CCDC85C: variants seen among roughly 807,000 people sequenced by gnomAD.
CCDC85C encodes coiled-coil domain containing 85C, also known as coiled-coil domain-containing protein 85C.
In CCDC85C, 18 loss-of-function variants were observed where a neutral mutation model predicts 38.3. The ratio of observed to expected loss-of-function variants is 0.47; its 90% confidence interval spans 0.33 to 0.70. The LOEUF (loss-of-function observed/expected upper bound fraction) is 0.70, where lower values mean the gene tolerates loss of function less well. CCDC85C is among the 30% of genes least tolerant of loss of function. The probability of loss-of-function intolerance (pLI) is 0.03; values close to 1 mark genes in which losing one functional copy is unlikely to be tolerated. For synonymous variants in CCDC85C, 264 were observed against 293.8 expected (o/e 0.90, Z 1.04); for missense variants, 566 against 621.2 (o/e 0.91, Z 0.94).
intron 1 of CCDC85C, among the ~76,000 whole-genome samples, chr14:99,594,444 A>G (rs1454432972): frequency 1.3e-5 from 2 of 152,214 alleles, no homozygotes; most frequent in African/African-American, 4.8e-5. Flanking sequence ...CACCATCTCT[A>G]GGCCCCACAG....
chr14:99,562,981 T>C (rs1898147347), intron 1 of CCDC85C, among the ~76,000 whole-genome samples: 1 of 152,224 alleles, frequency 6.6e-6, no homozygotes, highest in Non-Finnish European at 1.5e-5. Context: ...CCAGGGGTCA[T>C]TTATTTTAAT....
intron 1 of CCDC85C, among the ~76,000 whole-genome samples, chr14:99,570,273 C>A (rs1898309798): frequency 6.6e-6 from 1 of 152,254 alleles, no homozygotes; most frequent in Non-Finnish European, 1.5e-5. Flanking sequence ...CAGGGCCACA[C>A]AGCAACCAAT....
At chr14:99,517,843 T>C (rs1034743701) in intron 3 of CCDC85C, among the ~76,000 whole-genome samples, 16 of 152,160 alleles carry the variant, frequency 1.1e-4, no homozygotes, top group Non-Finnish European at 2.2e-4. Context: ...GGAAGCCAGG[T>C]GCAGGGCTTC....
rs2055053790 is a variant in CCDC85C at position 99,588,799 on chromosome 14, T to C, written c.793+14368A>G. Among the ~76,000 whole-genome samples, 1 of 151,382 alleles carries C rather than the reference T, an allele frequency of 6.6e-6. No homozygotes were observed. The highest frequency in any genetic ancestry group is 1.5e-5 in the Non-Finnish European group (1 of 67,892). ...CCCCAAAAGTACTGGTTCTACTAGATGGAGGGAAGAGGCCAAGCTAGGAGC... is the reference window on the plus strand; with the variant it reads ...CCCCAAAAGTACTGGTTCTACTAGACGGAGGGAAGAGGCCAAGCTAGGAGC... On this transcript the variant is annotated intron_variant, in intron 1 of 5. Coordinates refer to ENST00000380243, the MANE Select transcript of CCDC85C (RefSeq NM_001144995.2). This position sits in a 1 kb window ranked among gnomAD's most constrained non-coding sequence, Gnocchi z 5.0.
Position 99,501,939 on chromosome 14 carries a change from A to G in CCDC85C, c.*13307T>C, listed in dbSNP as rs985024693. 2.9e-5 allele frequency: 9 copies of G among 313,174 alleles called. No homozygotes were observed. Among genetic ancestry groups the G allele is most frequent in the Middle Eastern group, 9.3e-4 (1 of 1,072 alleles). 19.4% of individuals were successfully genotyped at this position (313,174 alleles called of 1,614,324 possible). A position where few individuals can be genotyped will look rare whatever the true frequency, so the allele number is the denominator to read the frequency against. ...CTAGGATTTCAACAGTTTAAATAAC[A>G]TAAGTCATTTTCATTGGTGTAGCAA... On this transcript the variant is annotated 3_prime_UTR_variant, in exon 6 of 6. Transcript: ENST00000380243.
chr14:99,545,887 A>G lies in CCDC85C; in HGVS notation c.794-9799T>C, dbSNP rs893222996. Among the ~76,000 whole-genome samples the G allele has an allele frequency of 2.0e-5, 3 of 152,070 alleles. No homozygotes were observed. The highest frequency in any genetic ancestry group is 7.2e-5 in the African/African-American group (3 of 41,408). Reference sequence around the variant, plus strand: ...TAAACGCCCTGTGGGTGATTCTAACATGCAGCTCTGTGGTCACTGTTCCAA... The same window carrying G: ...TAAACGCCCTGTGGGTGATTCTAACGTGCAGCTCTGTGGTCACTGTTCCAA... On this transcript the variant is annotated intron_variant, in intron 1 of 5. Coordinates refer to ENST00000380243, the MANE Select transcript of CCDC85C (RefSeq NM_001144995.2). The surrounding 1 kb of genome is among the most constrained non-coding windows in gnomAD (Gnocchi z 4.7).
At position 99,603,244 on chromosome 14, in the gene CCDC85C, T is replaced by C; in HGVS notation, c.716A>G (p.Lys239Arg). The C allele has an allele frequency of 1.4e-6, 2 of 1,402,340 alleles. No individual in the cohort carries two copies. Among genetic ancestry groups the C allele is most frequent in the South Asian group, 3.1e-5 (2 of 65,126 alleles). 86.9% of individuals were successfully genotyped at this position (1,402,340 alleles called of 1,614,324 possible). ...CAGGGACCGACGTGTGGCTCCTGCC[T>C]TGCCGTCGGGGGCCTTGTGCGGCCC... is the stretch of plus-strand genomic sequence containing the variant. Reference protein sequence around the residue: ...PPGPHKAPDGKAGATRRSLDD... With the variant: ...PPGPHKAPDGRAGATRRSLDD... The change falls in exon 1 of 6, where the codon AAG (lysine) becomes AGG (arginine). Residue 239 changes from lysine (K) to arginine (R), a missense_variant. Around this residue, in one of 3 missense-constraint regions of CCDC85C, gnomAD observed 286 missense variants for 276.4 expected, o/e 1.03. Transcript: ENST00000380243. The surrounding 1 kb of genome is among the most constrained non-coding windows in gnomAD (Gnocchi z 7.5).
At position 99,500,593 on chromosome 14, in the gene CCDC85C, T is replaced by G. The variant is rs1008109368; in HGVS notation, c.*14653A>C. On this transcript the variant is annotated 3_prime_UTR_variant, in exon 6 of 6. Transcript: ENST00000380243. ...CTTCCTGTTTGAGATCTTTTCAGAA[T>G]TTATCAGTGTCTCTGAGCATGTTAA... 2.6e-5 allele frequency: 15 copies of G among 581,098 alleles called. No homozygotes were observed. The highest frequency in any genetic ancestry group is 3.4e-5 in the Non-Finnish European group (11 of 327,926). The allele number at this position is 581,098 out of a possible 1,614,324, so 36.0% of individuals were successfully genotyped here.
chr14:99,530,739 G>A (rs1897477471), intron 2 of CCDC85C, among the ~76,000 whole-genome samples: 1 of 152,220 alleles, frequency 6.6e-6, no homozygotes, highest in Admixed American at 6.5e-5. Context: ...ACATCACACT[G>A]CGCTGGGCAT....
rs186794912 is a variant in CCDC85C at position 99,601,325 on chromosome 14, C to T, written c.793+1842G>A. Among the ~76,000 whole-genome samples, 186 of 152,248 alleles carry T rather than the reference C, an allele frequency of 1.2e-3. 3 individuals carry two copies. In the Middle Eastern group the frequency reaches 0.017, roughly 14 times the overall value. On this transcript the variant is annotated intron_variant, in intron 1 of 5. Coordinates refer to ENST00000380243, the MANE Select transcript of CCDC85C (RefSeq NM_001144995.2). ...CTATACTTCAACCTCCCACTGACCC[C>T]CAGTGGGGTGGAAAACTCAGTGTAG...
Position 99,603,169 on chromosome 14 carries a change from T to C in CCDC85C, c.791A>G (p.His264Arg). ...TGCCCGGCCCGTGTAGTCCTTACCG[T>C]GCAGGCCGTTGGGGATGCTGCGGTG... ...PHHRSIPNGLHDPSSTYIRQL... is the reference protein window; with the variant it reads ...PHHRSIPNGLRDPSSTYIRQL... The change falls in exon 1 of 6, where the codon CAC (histidine) becomes CGC (arginine). Residue 264 changes from histidine to arginine, a missense_variant and splice_region_variant. By Grantham distance (29) the His-to-Arg change is conservative. This residue lies in a region of CCDC85C where 286 missense variants were observed against 276.4 expected (regional missense o/e 1.03). Transcript: ENST00000380243. This position sits in a 1 kb window ranked among gnomAD's most constrained non-coding sequence, Gnocchi z 7.5. 7.2e-7 allele frequency: 1 copy of C among 1,391,820 alleles called. No homozygotes were observed. The highest frequency in any genetic ancestry group is 1.6e-5 in the South Asian group (1 of 63,318). The allele number at this position is 1,391,820 out of a possible 1,614,324, so 86.2% of individuals were successfully genotyped here. A position where few individuals can be genotyped will look rare whatever the true frequency, so the allele number is the denominator to read the frequency against.
In CCDC85C at chr14:99,588,455, G is replaced by A. The variant is rs924410034; in HGVS notation, c.793+14712C>T. Among the ~76,000 whole-genome samples the A allele has an allele frequency of 2.0e-5, 3 of 152,004 alleles. No homozygotes were observed. The highest frequency in any genetic ancestry group is 4.4e-5 in the Non-Finnish European group (3 of 68,016). On this transcript the variant is annotated intron_variant, in intron 1 of 5. Coordinates refer to ENST00000380243, the MANE Select transcript of CCDC85C (RefSeq NM_001144995.2). The surrounding 1 kb of genome is among the most constrained non-coding windows in gnomAD (Gnocchi z 5.0). ...TTTACCCAGAGAAAAGAGAGCCCAC[G>A]GACCCATCCAAAAGTCACCAGAGGC...
At chr14:99,541,624 A>G (rs1897715411) in intron 1 of CCDC85C, among the ~76,000 whole-genome samples, 1 of 152,068 alleles carries the variant, frequency 6.6e-6, no homozygotes, top group East Asian at 1.9e-4. Context: ...CCACCTGTCC[A>G]ATGGTTCACT....
At chr14:99,554,030 G>GC (rs1897964820) in intron 1 of CCDC85C, among the ~76,000 whole-genome samples, 1 of 152,158 alleles carries the variant, frequency 6.6e-6, no homozygotes, top group Non-Finnish European at 1.5e-5. Context: ...TGCTCTCAGA[G>GC]CTGCTGCAGA....
chr14:99,533,837 G>A lies in CCDC85C; in HGVS notation c.867+2178C>T. 6.6e-6 allele frequency among the ~76,000 whole-genome samples: 1 copy of A among 152,216 alleles called. No homozygotes were observed. The highest frequency in any genetic ancestry group is 1.9e-4 in the East Asian group (1 of 5,196). On this transcript the variant is annotated intron_variant, in intron 2 of 5. Coordinates refer to ENST00000380243, the MANE Select transcript of CCDC85C (RefSeq NM_001144995.2). This position sits in a 1 kb window ranked among gnomAD's most constrained non-coding sequence, Gnocchi z 4.2. ...CAGGTTATGGTGGAGGGCCCCCTGTGAGACCGGGGGGCACCCCAGGAAGGA... is the reference window on the plus strand; with the variant it reads ...CAGGTTATGGTGGAGGGCCCCCTGTAAGACCGGGGGGCACCCCAGGAAGGA...
chr14:99,584,647 C>T (rs2055008162), intron 1 of CCDC85C, among the ~76,000 whole-genome samples: 1 of 152,204 alleles, frequency 6.6e-6, no homozygotes, highest in Non-Finnish European at 1.5e-5. Context: ...GTGTACAGTG[C>T]ATGAGAAGAA....
intron 3 of CCDC85C, among the ~76,000 whole-genome samples, chr14:99,519,914 G>A (rs1442776853): frequency 6.6e-6 from 1 of 152,216 alleles, no homozygotes; most frequent in Non-Finnish European, 1.5e-5. Flanking sequence ...GAAGGGGGAC[G>A]GGAGTGACGG....
Position 99,506,907 on chromosome 14 carries a change from G to T in CCDC85C, c.*8339C>A. ...GGAGGTGGCATTTAATTTGTTAACA[G>T]GATTCATGCATAATGGTTTAGCTGA... On this transcript the variant is annotated 3_prime_UTR_variant, in exon 6 of 6. Transcript: ENST00000380243. The T allele has an allele frequency of 1.6e-6, 1 of 607,224 alleles. No individual in the cohort carries two copies. Among genetic ancestry groups the T allele is most frequent in the Non-Finnish European group, 3.0e-6 (1 of 335,756 alleles). The allele number at this position is 607,224 out of a possible 1,614,324, so 37.6% of individuals were successfully genotyped here. A position where few individuals can be genotyped will look rare whatever the true frequency, so the allele number is the denominator to read the frequency against.
chr14:99,538,196 C>T lies in CCDC85C; in HGVS notation c.794-2108G>A, dbSNP rs576769377. On this transcript the variant is annotated intron_variant, in intron 1 of 5. Coordinates refer to ENST00000380243, the MANE Select transcript of CCDC85C (RefSeq NM_001144995.2). ...TTCCAGGTGCAGAGGCCACAAGGAACAAAGTGTCCCCACCACCAGCAGGTG... is the reference window on the plus strand; with the variant it reads ...TTCCAGGTGCAGAGGCCACAAGGAATAAAGTGTCCCCACCACCAGCAGGTG... 2.6e-5 allele frequency among the ~76,000 whole-genome samples: 4 copies of T among 152,306 alleles called. No homozygotes were observed. In the East Asian group the frequency reaches 7.7e-4, roughly 29 times the overall value.
Sources: allele counts gnomAD v4.1 joint callset (sites outside exome capture counted in the v4.1 genomes callset), GRCh38; gene constraint gnomAD v4.1.1; regional missense constraint gnomAD v4.1.1; non-coding constraint Gnocchi (gnomAD v3.1); transcripts MANE v1.5; gene names NCBI Gene and HGNC (gene_info 2026-07-23, HGNC 2026-07-21).